Variants in PACRG observed in about 807,000 individuals in gnomAD.
PACRG encodes parkin coregulated gene protein.
Under a neutral mutation model 29.7 loss-of-function variants are expected in PACRG, and 29 were observed. The ratio of observed to expected loss-of-function variants is 0.98; its 90% CI spans 0.73 to 1.33. The LOEUF (loss-of-function observed/expected upper bound fraction) is 1.33. PACRG is among the 40% of genes most tolerant of loss of function. The probability of loss-of-function intolerance (pLI) is 0.00; values close to 1 mark genes in which losing one functional copy is unlikely to be tolerated. For missense variants in PACRG, 279 were observed against 316.2 expected, an observed-to-expected ratio of 0.88 and a Z score of 0.89; for synonymous variants, 116 against 118.7, an observed-to-expected ratio of 0.98 and a Z score of 0.15.
chr6:163,111,236 A>G (rs1478778041), intron 4 of PACRG, among the ~76,000 whole-genome samples: 1 of 152,208 alleles, frequency 6.6e-6, no homozygotes, highest in Non-Finnish European at 1.5e-5. Context: ...ATTGCCTGGC[A>G]CCAACTCATA....
intron 2 of PACRG, among the ~76,000 whole-genome samples, chr6:163,044,316 T>C (rs914746580): frequency 6.6e-6 from 1 of 152,028 alleles, no homozygotes; most frequent in Non-Finnish European, 1.5e-5. Flanking sequence ...CACAGGTGCA[T>C]ATCACCAGGC....
At chr6:163,185,771 G>A (rs1306445182) in intron 4 of PACRG, among the ~76,000 whole-genome samples, 1 of 152,142 alleles carries the variant, frequency 6.6e-6, no homozygotes, top group African/African-American at 2.4e-5. Flanking sequence ...TTATTTCTCT[G>A]TATCTCCGTG....
chr6:162,983,083 G>T (rs1161282104), intron 2 of PACRG, among the ~76,000 whole-genome samples: 1 of 151,766 alleles, frequency 6.6e-6, no homozygotes, highest in Non-Finnish European at 1.5e-5. Context: ...TTTAACTGTT[G>T]TTGCCTTAAA....
intron 2 of PACRG, among the ~76,000 whole-genome samples, chr6:163,054,914 C>T (rs577122366): frequency 5.3e-5 from 8 of 152,236 alleles, no homozygotes; most frequent in East Asian, 1.9e-4. Context: ...TCAGAACCAG[C>T]GAGGTCAGGC....
intron 1 of PACRG, among the ~76,000 whole-genome samples, chr6:162,745,577 C>A (rs765036231): frequency 1.3e-5 from 2 of 151,998 alleles, no homozygotes; most frequent in African/African-American, 4.8e-5. Context: ...AATCTCTATG[C>A]GACATTGAGG....
At chr6:162,984,076 G>A (rs1011704997) in intron 2 of PACRG, among the ~76,000 whole-genome samples, 1 of 151,880 alleles carries the variant, frequency 6.6e-6, no homozygotes, top group African/African-American at 2.4e-5. Flanking sequence ...TTGGTTACAT[G>A]AATAATTTCT....
chr6:162,987,415 C>T (rs927254105), intron 2 of PACRG, among the ~76,000 whole-genome samples: 1 of 152,058 alleles, frequency 6.6e-6, no homozygotes, highest in African/African-American at 2.4e-5. Context: ...ACCCAAATCT[C>T]ATCTTGAATT....
At chr6:163,013,521 C>G (rs929226231) in intron 2 of PACRG, among the ~76,000 whole-genome samples, 2 of 150,646 alleles carry the variant, frequency 1.3e-5, no homozygotes, top group African/African-American at 4.8e-5. Flanking sequence ...AAGTTACCCT[C>G]AGATATAGTC....
At position 162,791,311 on chromosome 6, in the gene PACRG, G is replaced by GTTTT. The variant is rs60664405; in HGVS notation, c.157-22825_157-22822dup. ...ACTCTGACTCCTAGTTTGTTTGTTT[G>GTTTT]TTTTTTTTTTTTTTGCTTTGCGCTA... is the stretch of plus-strand genomic sequence containing the variant. On this transcript the variant is annotated intron_variant, in intron 1 of 4. Coordinates refer to ENST00000366888, the MANE Select transcript of PACRG (RefSeq NM_001080379.2). Among the ~76,000 whole-genome samples the GTTTT allele has an allele frequency of 1.2e-4, 15 of 128,814 alleles. No individual in the cohort carries two copies. The East Asian group carries it at 1.4e-3, about 12-fold the overall frequency. 84.5% of individuals were successfully genotyped at this position (128,814 alleles called of 152,430 possible). A position where few individuals can be genotyped will look rare whatever the true frequency, so the allele number is the denominator to read the frequency against.
chr6:162,736,528 A>G (rs1346054351), intron 1 of PACRG, among the ~76,000 whole-genome samples: 2 of 152,280 alleles, frequency 1.3e-5, no homozygotes, highest in East Asian at 1.9e-4. Context: ...TGAGTCCAGG[A>G]AAGTTTCCTG....
At chr6:162,970,936 G>T (rs1233384900) in intron 2 of PACRG, among the ~76,000 whole-genome samples, 1 of 152,190 alleles carries the variant, frequency 6.6e-6, no homozygotes, top group African/African-American at 2.4e-5. Flanking sequence ...CATGGGTTGT[G>T]TAAATACATT....
intron 2 of PACRG, among the ~76,000 whole-genome samples, chr6:163,044,002 C>A (rs1474761644): frequency 1.3e-5 from 2 of 151,946 alleles, no homozygotes; most frequent in Non-Finnish European, 2.9e-5. Flanking sequence ...CAAGGAGGTC[C>A]TTGAGGGAAA....
intron 1 of PACRG, among the ~76,000 whole-genome samples, chr6:162,732,160 CA>C (rs1169420872): frequency 6.6e-6 from 1 of 151,956 alleles, no homozygotes; most frequent in East Asian, 1.9e-4. Flanking sequence ...TCCCTTTTTG[CA>C]AAAGCCTATG....
At position 163,315,033 on chromosome 6, in the gene PACRG, C is replaced by G. The variant is rs759805022; in HGVS notation, c.*46C>G. ...TGAAACCTCCCGTTGGTGTTGGGAT[C>G]ATCTGTCTCTGTTGCTTTTAGCATC... is the stretch of plus-strand genomic sequence containing the variant. On this transcript the variant is annotated 3_prime_UTR_variant, in exon 5 of 5. Coordinates refer to ENST00000366888, the MANE Select transcript of PACRG (RefSeq NM_001080379.2). 1 of 1,579,684 alleles carries G rather than the reference C, an allele frequency of 6.3e-7. No homozygotes were observed. The highest frequency in any genetic ancestry group is 8.6e-7 in the Non-Finnish European group (1 of 1,156,886).
intron 2 of PACRG, among the ~76,000 whole-genome samples, chr6:162,874,240 CA>C (rs1167859225): frequency 2.6e-5 from 4 of 151,524 alleles, no homozygotes; most frequent in Non-Finnish European, 4.4e-5. Context: ...TCCTCCCCTC[CA>C]AATTCTGAGA....
At chr6:163,186,096 C>T (rs1345974716) in intron 4 of PACRG, among the ~76,000 whole-genome samples, 2 of 152,206 alleles carry the variant, frequency 1.3e-5, no homozygotes, top group African/African-American at 4.8e-5. Context: ...CTTGCAGGCA[C>T]CCTCTGAGAC....
At chr6:163,293,541 G>A (rs1477473978) in intron 4 of PACRG, among the ~76,000 whole-genome samples, 1 of 152,092 alleles carries the variant, frequency 6.6e-6, no homozygotes, top group African/African-American at 2.4e-5. Context: ...ATGAACTAAG[G>A]GAATGTGATT....
intron 1 of PACRG, among the ~76,000 whole-genome samples, chr6:162,744,723 C>A (rs1241585065): frequency 1.3e-5 from 2 of 152,006 alleles, no homozygotes; most frequent in Non-Finnish European, 2.9e-5. Flanking sequence ...ATTTAGTAAT[C>A]CATAAAAAAT....
chr6:163,123,327 G>A (rs559202533), intron 4 of PACRG, among the ~76,000 whole-genome samples: 2 of 152,346 alleles, frequency 1.3e-5, no homozygotes, highest in South Asian at 2.1e-4. Context: ...GGAGAAGAGG[G>A]CGGGAACCGC....
Sources: allele counts gnomAD v4.1 joint callset (sites outside exome capture counted in the v4.1 genomes callset), GRCh38; gene constraint gnomAD v4.1.1; transcripts MANE v1.5; gene names NCBI Gene and HGNC (gene_info 2026-07-23, HGNC 2026-07-21).